Variants in TMEM165 observed in about 807,000 individuals in gnomAD.
TMEM165 encodes the protein transmembrane protein 165, also known as putative divalent cation/proton antiporter TMEM165.
TMEM165 carries 19 observed loss-of-function variants against 30.0 expected under a neutral mutation model. That is an observed-to-expected ratio of 0.63 (90% CI 0.44 to 0.93). TMEM165 has a LOEUF of 0.93. Among genes scored for constraint, TMEM165 ranks in the 40% least tolerant of loss-of-function variants. The pLI is 0.00. For synonymous variants in TMEM165, 168 were observed against 162.9 expected (o/e 1.03, Z -0.24); for missense variants, 340 against 417.0 (o/e 0.82, Z 1.61).
At chr4:55,448,594 A>ACGCGCGCGCG (rs1553891178) in intron 3 of TMEM165, among the ~76,000 whole-genome samples, 2 of 81,340 alleles carry the variant, frequency 2.5e-5, no homozygotes, top group African/African-American at 9.0e-5. Context: ...GCGCGCGCGC[A>ACGCGCGCGCG]CGCGCGCGTG....
At chr4:55,421,133 C>CG (rs1721956378) in intron 4 of TMEM165, among the ~76,000 whole-genome samples, 1 of 137,722 alleles carries the variant, frequency 7.3e-6, no homozygotes, top group East Asian at 2.2e-4. Flanking sequence ...CGCCACTGCA[C>CG]TCCACTCTGG....
chr4:55,427,350 G>GTTTGT (rs1722260230), downstream of TMEM165, among the ~76,000 whole-genome samples: 1 of 92,728 alleles, frequency 1.1e-5, no homozygotes, highest in South Asian at 3.7e-4. Flanking sequence ...AATACGTTTT[G>GTTTGT]TTTGTTTGGA....
rs756397668 is a variant in TMEM165, at chr4:55,449,524, T to C, written c.409-2715T>C. 16 of 1,519,742 alleles carry C rather than the reference T, an allele frequency of 1.1e-5. No homozygotes were observed. The Admixed American group carries it at 2.3e-4, about 22-fold the overall frequency. The allele number at this position is 1,519,742 out of a possible 1,614,324, so 94.1% of individuals were successfully genotyped here. Reference sequence around the variant, plus strand: ...GAAGTCAACAAAATCAGAAGAGCATTAGTACTTTATAAAATATAGTTTTTA... The same window carrying C: ...GAAGTCAACAAAATCAGAAGAGCATCAGTACTTTATAAAATATAGTTTTTA... On this transcript the variant is annotated intron_variant, in intron 3 of 3. Transcript: ENST00000608091.
Position 55,396,230 on chromosome 4 carries a change from C to T in TMEM165, c.41C>T (p.Pro14Leu), listed in dbSNP as rs2109509637. 5 of 1,473,156 alleles carry T rather than the reference C, an allele frequency of 3.4e-6. No homozygotes were observed. The highest frequency in any genetic ancestry group is 3.5e-4 in the Middle Eastern group (2 of 5,680). 91.3% of individuals were successfully genotyped at this position (1,473,156 alleles called of 1,614,324 possible). ...CCAGGGAACGGCCGCGCATCGGCGC[C>T]CCGGCTGCTTCTGCTCTTTCTGGTT... ...AAPGNGRASA[P>L]RLLLLFLVPL... Residue 14 changes from proline (P) to leucine (L), a missense_variant, in exon 1 of 6, where the codon CCC becomes CTC. Physicochemically the swap from Pro to Leu is moderately conservative, Grantham distance 98. Around this residue, in one of 2 missense-constraint regions of TMEM165, gnomAD observed 120 missense variants for 109.4 expected, o/e 1.10. Transcript: ENST00000381334.
rs768444606 is a variant in TMEM165, at chr4:55,418,019, G to GA, written c.792+37dup. 57 of 1,555,934 alleles carry GA rather than the reference G, an allele frequency of 3.7e-5. 1 individual carries two copies. The highest frequency in any genetic ancestry group is 3.4e-4 in the Middle Eastern group (2 of 5,826). On this transcript the variant is annotated intron_variant, in intron 4 of 5. Transcript: ENST00000381334. The stretch of plus-strand genomic sequence containing the variant: ...TATTTGAGAGGAGACTGTTTAAAAT[G>GA]AAACGTAATTATTATTACTTTGTTC...
At chr4:55,435,645 CACATA>C in intron 3 of TMEM165, 1 of 1,575,128 alleles carries the variant, frequency 6.3e-7, no homozygotes, top group Non-Finnish European at 8.7e-7. Context: ...TTATGGCACC[CACATA>C]ATAGTTACTC....
intron 1 of TMEM165, among the ~76,000 whole-genome samples, chr4:55,410,857 G>A (rs1721465815): frequency 6.6e-6 from 1 of 152,178 alleles, no homozygotes. Flanking sequence ...TTTTGGCCAA[G>A]CGTGGTGGCT....
intron 3 of TMEM165, chr4:55,450,147 G>T (rs745664986): frequency 1.2e-6 from 2 of 1,614,118 alleles, no homozygotes. Context: ...AGAAGAGGCA[G>T]AAGGGGTTGG....
At position 55,424,545 on chromosome 4, in the gene TMEM165, A is replaced by G. The variant is rs199743518; in HGVS notation, c.800A>G (p.Tyr267Cys). The change falls in exon 5 of 6, where the codon TAT (tyrosine) becomes TGT (cysteine). Residue 267 changes from tyrosine (Y) to cysteine (C), a missense_variant. By Grantham distance (194) the Tyr-to-Cys change is radical (BLOSUM62 -2). This residue lies in a region of TMEM165 where 220 missense variants were observed against 307.6 expected (regional missense o/e 0.72). Transcript: ENST00000381334. ...TIVLAAREDP[Y>C]GVAVGGTVGH... The stretch of plus-strand genomic sequence containing the variant: ...TGTGACGCTTGCTTCCAGGACCCCT[A>G]TGGTGTAGCCGTGGGTGGAACTGTG... 6.8e-6 allele frequency: 11 copies of G among 1,610,706 alleles called. No individual in the cohort carries two copies. Among genetic ancestry groups the G allele is most frequent in the Middle Eastern group, 3.3e-4 (2 of 6,056 alleles).
intron 1 of TMEM165, among the ~76,000 whole-genome samples, chr4:55,400,745 T>C (rs1227021825): frequency 1.3e-5 from 2 of 150,444 alleles, no homozygotes; most frequent in Non-Finnish European, 2.9e-5. Context: ...CTTAATTATA[T>C]TTTTATGTAA....
At chr4:55,449,637 A>G in intron 3 of TMEM165, 1 of 710,030 alleles carries the variant, frequency 1.4e-6, no homozygotes, top group South Asian at 1.7e-5. Flanking sequence ...AGTCCATGAC[A>G]GATGATTCAA....
intron 3 of TMEM165, among the ~76,000 whole-genome samples, chr4:55,451,280 A>G (rs1169640053): frequency 6.6e-6 from 1 of 152,198 alleles, no homozygotes; most frequent in Non-Finnish European, 1.5e-5. Flanking sequence ...CTCAACACTC[A>G]TCTAAAATTT....
intron 3 of TMEM165, among the ~76,000 whole-genome samples, chr4:55,443,390 G>T (rs956228990): frequency 2.0e-5 from 3 of 150,124 alleles, no homozygotes; most frequent in Non-Finnish European, 4.4e-5. Flanking sequence ...CAGGAGAATC[G>T]CTTCAACCCA....
intron 3 of TMEM165, among the ~76,000 whole-genome samples, chr4:55,450,621 A>G (rs1352988287): frequency 6.6e-6 from 1 of 152,132 alleles, no homozygotes; most frequent in Admixed American, 6.5e-5. Context: ...TACAAAATTT[A>G]GCCAGGCATG....
At chr4:55,438,362 T>TCTG (rs753230415) in intron 3 of TMEM165, 501 of 1,613,042 alleles carry the variant, frequency 3.1e-4, no homozygotes, top group Non-Finnish European at 3.8e-4. Flanking sequence ...TCCTGGGAGC[T>TCTG]CTGCTGCTGC....
At chr4:55,414,731 A>G (rs1721656788) in intron 2 of TMEM165, among the ~76,000 whole-genome samples, 1 of 151,996 alleles carries the variant, frequency 6.6e-6, no homozygotes, top group Non-Finnish European at 1.5e-5. Flanking sequence ...GCCTTTTTTT[A>G]AAATGTTTTC....
rs1211858023 is a variant in TMEM165 at position 55,396,219 on chromosome 4, C to G, written c.30C>G (p.Arg10=). The G allele has an allele frequency of 3.4e-6, 5 of 1,455,896 alleles. No individual in the cohort carries two copies. In the Admixed American group the frequency reaches 1.2e-4, roughly 36 times the overall value. The allele number at this position is 1,455,896 out of a possible 1,614,324, so 90.2% of individuals were successfully genotyped here. A position where few individuals can be genotyped will look rare whatever the true frequency, so the allele number is the denominator to read the frequency against. Residue 10 remains arginine (R), a synonymous_variant, in exon 1 of 6, where the codon CGC becomes CGG. Transcript: ENST00000381334. MAAAAPGNG[R]ASAPRLLLLF... is the part of the protein sequence containing the mutation. ...CGGCCGCGGCTCCAGGGAACGGCCGCGCATCGGCGCCCCGGCTGCTTCTGC... is the reference window on the plus strand; with the variant it reads ...CGGCCGCGGCTCCAGGGAACGGCCGGGCATCGGCGCCCCGGCTGCTTCTGC...
chr4:55,409,987 T>G (rs1169674698), intron 1 of TMEM165, among the ~76,000 whole-genome samples: 2 of 152,206 alleles, frequency 1.3e-5, no homozygotes, highest in African/African-American at 4.8e-5. Context: ...GGGATTGTTT[T>G]AGAGCCAAGT....
chr4:55,426,538 T>TAA (rs1553887552), downstream of TMEM165, among the ~76,000 whole-genome samples: 10 of 152,352 alleles, frequency 6.6e-5, no homozygotes, highest in African/African-American at 1.7e-4. Context: ...CCAAGTAGCA[T>TAA]AACAGCTGCT....
Sources: allele counts gnomAD v4.1 joint callset (sites outside exome capture counted in the v4.1 genomes callset), GRCh38; gene constraint gnomAD v4.1.1; regional missense constraint gnomAD v4.1.1; transcripts MANE v1.5; gene names NCBI Gene and HGNC (gene_info 2026-07-23, HGNC 2026-07-21).